MTMR3: variants seen among roughly 807,000 people sequenced by gnomAD.
The protein encoded by MTMR3 is phosphatidylinositol-3,5-bisphosphate 3-phosphatase MTMR3.
In MTMR3, 32 loss-of-function variants were observed where a neutral mutation model predicts 132.4. The observed-to-expected ratio is 0.24, with a 90% CI of 0.18 to 0.32. The LOEUF (loss-of-function observed/expected upper bound fraction) is 0.32. Among genes scored for constraint, MTMR3 ranks in the 10% least tolerant of loss-of-function variants. The pLI, the probability that MTMR3 is intolerant of heterozygous loss-of-function variation, is 1.00. For missense variants in MTMR3, 1,216 were observed against 1,489.6 expected (o/e 0.82, Z 3.02); for synonymous variants, 556 against 550.3 (o/e 1.01, Z -0.14).
At chr22:29,966,720 GGTGTGC>G (rs1031460577) in intron 2 of MTMR3, among the ~76,000 whole-genome samples, 1 of 116,290 alleles carries the variant, frequency 8.6e-6, no homozygotes, top group African/African-American at 3.6e-5. Flanking sequence ...GACCTGTAGG[GGTGTGC>G]GTGTGTGTGT....
chr22:29,932,986 T>G (rs2065674607), intron 1 of MTMR3, among the ~76,000 whole-genome samples: 1 of 152,178 alleles, frequency 6.6e-6, no homozygotes, highest in Non-Finnish European at 1.5e-5. Flanking sequence ...TTTTATTTTT[T>G]GAGATGGCGT....
Position 30,027,760 on chromosome 22 carries a change from T to C in MTMR3, c.*1959T>C, listed in dbSNP as rs898700147. 1 of 152,708 alleles carries C rather than the reference T, an allele frequency of 6.5e-6. No homozygotes were observed. Among genetic ancestry groups the C allele is most frequent in the Non-Finnish European group, 1.5e-5 (1 of 68,036 alleles). The allele number at this position is 152,708 out of a possible 1,614,324, so 9.5% of individuals were successfully genotyped here. On this transcript the variant is annotated 3_prime_UTR_variant, in exon 20 of 20. Coordinates refer to ENST00000401950, the MANE Select transcript of MTMR3 (RefSeq NM_021090.4). ...TTTCTCCTAAAGAGGAGTCAGTCAG[T>C]GCTCCTATATTTTTCATTTTTTGTC...
At chr22:29,893,336 ACT>A (rs1328691280) in intron 1 of MTMR3, among the ~76,000 whole-genome samples, 1 of 151,992 alleles carries the variant, frequency 6.6e-6, no homozygotes, top group African/African-American at 2.4e-5. Context: ...CATTCCTTTC[ACT>A]GTGTGTGTAA....
intron 2 of MTMR3, among the ~76,000 whole-genome samples, chr22:29,962,264 T>G (rs568678696): frequency 6.6e-6 from 1 of 152,330 alleles, no homozygotes; most frequent in African/African-American, 2.4e-5. Flanking sequence ...TAACATAAAA[T>G]TCACATACTA....
intron 1 of MTMR3, among the ~76,000 whole-genome samples, chr22:29,912,914 C>A (rs1000918724): frequency 1.3e-5 from 2 of 152,124 alleles, no homozygotes; most frequent in Non-Finnish European, 2.9e-5. Flanking sequence ...TAATACTTAA[C>A]TGTGAGTTAA....
At chr22:29,890,931 T>G (rs542139902) in intron 1 of MTMR3, among the ~76,000 whole-genome samples, 1 of 152,196 alleles carries the variant, frequency 6.6e-6, no homozygotes, top group South Asian at 2.1e-4. Context: ...GGAGAATGTT[T>G]GAGGCCAGGA....
At chr22:29,969,433 G>A (rs1018236255) in intron 2 of MTMR3, among the ~76,000 whole-genome samples, 23 of 152,074 alleles carry the variant, frequency 1.5e-4, no homozygotes, top group Non-Finnish European at 2.8e-4. Context: ...GTCTCTTGCT[G>A]GGGTTAATGA....
chr22:29,913,092 A>G (rs1470181494), intron 1 of MTMR3, among the ~76,000 whole-genome samples: 3 of 152,056 alleles, frequency 2.0e-5, no homozygotes, highest in South Asian at 4.2e-4. Flanking sequence ...AATAATAATA[A>G]TAATTATTAT....
Position 30,020,830 on chromosome 22 carries a change from G to T in MTMR3, c.3171G>T (p.Glu1057Asp). ...TCCAGGAGCTGAAGAGTCGCCTGGA[G>T]AGCCAGTACCTGACCAGCTCCCTAC... Reference protein sequence around the residue: ...KQVQELKSRLESQYLTSSLHF... With the variant: ...KQVQELKSRLDSQYLTSSLHF... The change falls in exon 17 of 20, where the codon GAG (glutamate) becomes GAT (aspartate). Residue 1057 changes from glutamate to aspartate, a missense_variant. Coordinates refer to ENST00000401950, the MANE Select transcript of MTMR3 (RefSeq NM_021090.4). The T allele has an allele frequency of 6.2e-7, 1 of 1,610,190 alleles. No homozygotes were observed. Among genetic ancestry groups the T allele is most frequent in the Non-Finnish European group, 8.5e-7 (1 of 1,177,958 alleles).
intron 1 of MTMR3, among the ~76,000 whole-genome samples, chr22:29,926,705 T>G (rs2065524430): frequency 6.6e-6 from 1 of 152,206 alleles, no homozygotes; most frequent in Non-Finnish European, 1.5e-5. Context: ...AATGTTTATT[T>G]AGATTCTTTG....
chr22:29,955,351 T>C (rs1219900373), intron 1 of MTMR3, among the ~76,000 whole-genome samples: 1 of 152,104 alleles, frequency 6.6e-6, no homozygotes, highest in Non-Finnish European at 1.5e-5. Context: ...AAAAGGAAAA[T>C]AATTTGTAAT....
At chr22:29,980,677 T>G (rs1421052162) in intron 5 of MTMR3, 1 of 152,236 alleles carries the variant, frequency 6.6e-6, no homozygotes, top group Non-Finnish European at 1.5e-5. Flanking sequence ...TCTCATATCA[T>G]CCTGTATTTA....
chr22:29,924,959 A>G (rs1374875715), intron 1 of MTMR3, among the ~76,000 whole-genome samples: 1 of 152,210 alleles, frequency 6.6e-6, no homozygotes. Flanking sequence ...AATATTGATA[A>G]TAGATATAAT....
intron 7 of MTMR3, 180 bp downstream of exon 7, chr22:29,991,850 G>A (rs1213572657): frequency 1.8e-5 from 10 of 570,930 alleles, no homozygotes; most frequent in Admixed American, 7.9e-5. Context: ...TGCCTTCCGG[G>A]GAAGGGAAGA....
At position 30,025,704 on chromosome 22, in the gene MTMR3, C is replaced by A. The variant is rs778970070; in HGVS notation, c.3500C>A (p.Pro1167His). 1.3e-5 allele frequency: 21 copies of A among 1,614,146 alleles called. No homozygotes were observed. Among genetic ancestry groups the A allele is most frequent in the Non-Finnish European group, 1.7e-5 (20 of 1,179,992 alleles). The change falls in exon 20 of 20, where the codon CCC (proline) becomes CAC (histidine). Residue 1167 changes from proline (P) to histidine (H), a missense_variant. Coordinates refer to ENST00000401950, the MANE Select transcript of MTMR3 (RefSeq NM_021090.4). ...GTTCCCAGCCAGCAGCTCTTTGAAC[C>A]CAGTCGAGTATGCAAGTCTTGCTAT... ...VPVPSQQLFE[P>H]SRVCKSCYSS...
chr22:30,022,577 C>G (rs1191202475), intron 18 of MTMR3, 32 bp from the exon 19 acceptor site: 1 of 1,594,886 alleles, frequency 6.3e-7, no homozygotes, highest in African/African-American at 1.3e-5. Context: ...GGCCCATCTC[C>G]TGTCAGTAAC....
intron 5 of MTMR3, chr22:29,982,665 T>C (rs1366195813): frequency 6.6e-6 from 1 of 151,466 alleles, no homozygotes; most frequent in African/African-American, 2.4e-5. Flanking sequence ...ATATATTCTC[T>C]TTTAATTTCA....
At chr22:29,914,664 C>G (rs1170650433) in intron 1 of MTMR3, among the ~76,000 whole-genome samples, 1 of 151,610 alleles carries the variant, frequency 6.6e-6, no homozygotes, top group African/African-American at 2.4e-5. Flanking sequence ...AAGGAATTGT[C>G]TCTAAACCTA....
chr22:30,025,872 C>A lies in MTMR3; in HGVS notation c.*71C>A. 6.5e-7 allele frequency: 1 copy of A among 1,532,008 alleles called. No homozygotes were observed. The highest frequency in any genetic ancestry group is 9.0e-7 in the Non-Finnish European group (1 of 1,110,868). 94.9% of individuals were successfully genotyped at this position (1,532,008 alleles called of 1,614,324 possible). On this transcript the variant is annotated 3_prime_UTR_variant, in exon 20 of 20. Coordinates refer to ENST00000401950, the MANE Select transcript of MTMR3 (RefSeq NM_021090.4). ...ACAGGCCCACTCAACCTGGGCAGAC[C>A]GAGAGGCCCGTGCACTTTGGAATGG...
Sources: allele counts gnomAD v4.1 joint callset (sites outside exome capture counted in the v4.1 genomes callset), GRCh38; gene constraint gnomAD v4.1.1; transcripts MANE v1.5; gene names NCBI Gene and HGNC (gene_info 2026-07-23, HGNC 2026-07-21).